The following CPNE1 variants were observed in gnomAD, a reference collection of about 807,000 sequenced individuals.
CPNE1 encodes the protein copine 1.
A neutral mutation model predicts 63.2 loss-of-function variants in CPNE1; 58 were observed. The ratio of observed to expected loss-of-function variants is 0.92; its 90% CI spans 0.74 to 1.14. CPNE1 has a LOEUF of 1.14. Among genes scored for constraint, CPNE1 ranks in the 50% most tolerant of loss-of-function variants. CPNE1 has a pLI of 0.00. For synonymous variants in CPNE1, 237 were observed against 249.0 expected (o/e 0.95, Z 0.45); for missense variants, 672 against 661.7 (o/e 1.02, Z -0.17).
At chr20:35,655,245 C>A in intron 1 of CPNE1, 1 of 1,613,872 alleles carries the variant, frequency 6.2e-7, no homozygotes, top group Non-Finnish European at 8.5e-7. Flanking sequence ...CAGGAATGGT[C>A]AATCCAGAGA....
At chr20:35,644,903 T>C (rs981361574) in intron 1 of CPNE1, among the ~76,000 whole-genome samples, 2 of 152,174 alleles carry the variant, frequency 1.3e-5, no homozygotes, top group African/African-American at 4.8e-5. Context: ...GCATGCATAG[T>C]GCAAATAAGG....
chr20:35,639,878 T>TCC (rs148849708), intron 1 of CPNE1, among the ~76,000 whole-genome samples: 2,534 of 152,328 alleles, frequency 0.017, 72 homozygotes, highest in African/African-American at 0.058. Flanking sequence ...GGTGGACTAT[T>TCC]CCTTCCTAAT....
intron 1 of CPNE1, among the ~76,000 whole-genome samples, chr20:35,660,593 G>A (rs1255038922): frequency 6.6e-6 from 1 of 152,110 alleles, no homozygotes; most frequent in Non-Finnish European, 1.5e-5. Context: ...AGGTCACAAA[G>A]GAAAATGTGA....
chr20:35,639,965 T>G (rs1247623696), intron 1 of CPNE1, among the ~76,000 whole-genome samples: 6 of 152,218 alleles, frequency 3.9e-5, no homozygotes, highest in Non-Finnish European at 8.8e-5. Context: ...CCAGCCATAC[T>G]GTTGTGGGCT....
intron 1 of CPNE1, among the ~76,000 whole-genome samples, chr20:35,648,176 C>T (rs2033259520): frequency 6.6e-6 from 1 of 151,962 alleles, no homozygotes; most frequent in Admixed American, 6.6e-5. Flanking sequence ...AATTGTGCTA[C>T]TACCAGAGTA....
Position 35,640,046 on chromosome 20 carries a change from T to C in CPNE1, c.1-7123A>G, listed in dbSNP as rs144408102. Among the ~76,000 whole-genome samples, 461 of 152,328 alleles carry C rather than the reference T, an allele frequency of 3.0e-3. 3 individuals are homozygous for C. The highest frequency in any genetic ancestry group is 0.011 in the African/African-American group (443 of 41,572). The stretch of plus-strand genomic sequence containing the variant: ...AGCCCCTAAGGTGGCCTGGCTTCCA[T>C]TCTGAGGTCAGAGCTTCCTGTGCAA... On this transcript the variant is annotated intron_variant, in intron 1 of 15. Transcript: ENST00000397443.
Position 35,631,940 on chromosome 20 carries a change from C to T in CPNE1, c.537+5G>A. On this transcript the variant is annotated splice_donor_5th_base_variant and intron_variant, in intron 6 of 15. Transcript: ENST00000397443. The stretch of plus-strand genomic sequence containing the variant: ...CCAGCCCACCCAATCCCAGGGGTCT[C>T]ATACCTCAGATCTGTACACCAGGTG... 3 of 1,613,190 alleles carry T rather than the reference C, an allele frequency of 1.9e-6. No homozygotes were observed. The highest frequency in any genetic ancestry group is 2.5e-6 in the Non-Finnish European group (3 of 1,179,238).
At chr20:35,635,392 G>C (rs1189836646) in intron 1 of CPNE1, among the ~76,000 whole-genome samples, 1 of 152,060 alleles carries the variant, frequency 6.6e-6, no homozygotes, top group Admixed American at 6.6e-5. Context: ...CATATTTGCA[G>C]AATGAAATCT....
chr20:35,650,330 G>A (rs1300703374), intron 1 of CPNE1: 2 of 152,228 alleles, frequency 1.3e-5, no homozygotes, highest in Non-Finnish European at 2.9e-5. Context: ...TTGCAATAAA[G>A]TGTATGAAAT....
chr20:35,630,430 G>A lies in CPNE1; in HGVS notation c.1102+9C>T, dbSNP rs371811085. On this transcript the variant is annotated intron_variant, in intron 13 of 15. Coordinates refer to ENST00000397443, the MANE Select transcript of CPNE1 (RefSeq NM_152925.3). ...ACAGACCTGCCTCAGGGTGGATGGG[G>A]AAACTTACCTGCACAGTAGGGGTTA... is the stretch of plus-strand genomic sequence containing the variant. 581 of 1,613,784 alleles carry A rather than the reference G, an allele frequency of 3.6e-4. 4 individuals are homozygous for A. In the South Asian group the frequency reaches 4.9e-3, roughly 14 times the overall value.
At chr20:35,632,129 C>T in intron 5 of CPNE1, 34 bp downstream of exon 5, 1 of 1,610,584 alleles carries the variant, frequency 6.2e-7, no homozygotes. Context: ...GGCCCCTTAA[C>T]TCTTGGATTA....
chr20:35,653,013 CG>C (rs1568934131), intron 1 of CPNE1: 1 of 1,613,856 alleles, frequency 6.2e-7, no homozygotes. Flanking sequence ...CTCCAAAACC[CG>C]GAACATCCAG....
chr20:35,662,043 C>T (rs1377018985), intron 1 of CPNE1, among the ~76,000 whole-genome samples: 1 of 152,150 alleles, frequency 6.6e-6, no homozygotes, highest in Non-Finnish European at 1.5e-5. Context: ...GTTCCCCATT[C>T]CCAAATGGAC....
At chr20:35,630,258 G>A (rs541090257) in intron 13 of CPNE1, among the ~76,000 whole-genome samples, 181 bp downstream of exon 13, 5 of 152,280 alleles carry the variant, frequency 3.3e-5, no homozygotes, top group African/African-American at 9.6e-5. Context: ...TTGCGCCACC[G>A]CACTCCAGCC....
intron 1 of CPNE1, among the ~76,000 whole-genome samples, chr20:35,648,180 C>A (rs995361322): frequency 2.0e-5 from 3 of 151,992 alleles, no homozygotes; most frequent in African/African-American, 4.8e-5. Context: ...GTGCTACTAC[C>A]AGAGTACACT....
At position 35,632,680 on chromosome 20, in the gene CPNE1, C is replaced by T. The variant is rs867132384; in HGVS notation, c.146G>A (p.Arg49Gln). Residue 49 changes from arginine to glutamine, a missense_variant, in exon 3 of 16, where the codon CGG becomes CAG. Transcript: ENST00000397443. ...GSWAELGRTE[R>Q]VRNCSSPEFS... is the part of the protein sequence containing the mutation. ...CTCAGGGCTTGAGCAGTTCCGCACCCGTTCAGTCCGGCCAAGCTGTGGGCA... is the reference window on the plus strand; with the variant it reads ...CTCAGGGCTTGAGCAGTTCCGCACCTGTTCAGTCCGGCCAAGCTGTGGGCA... 16 of 1,090,952 alleles carry T rather than the reference C, an allele frequency of 1.5e-5. No homozygotes were observed. In the Middle Eastern group the frequency reaches 1.8e-3, roughly 122 times the overall value. 67.6% of individuals were successfully genotyped at this position (1,090,952 alleles called of 1,614,324 possible).
In CPNE1 at chr20:35,652,818, AGGGCCG is replaced by A. The variant is rs201181145; in HGVS notation, c.-1+11936_-1+11941del. The A allele has an allele frequency of 1.1e-3, 1,754 of 1,602,592 alleles. 3 individuals carry two copies. The highest frequency in any genetic ancestry group is 8.3e-4 in the Non-Finnish European group (969 of 1,174,138). On this transcript the variant is annotated intron_variant, in intron 1 of 15. Transcript: ENST00000397443. ...GGGGACCACCAATATGGATTGGGCC[AGGGCCG>A]GGGCCGGGGCCGGGGCCAGGCCCAA...
intron 1 of CPNE1, among the ~76,000 whole-genome samples, chr20:35,641,532 C>G (rs2032807229): frequency 6.6e-6 from 1 of 152,142 alleles, no homozygotes; most frequent in Admixed American, 6.5e-5. Context: ...CTTCAGGTTC[C>G]TCAGGTGTAA....
At chr20:35,652,942 T>C (rs773675749) in intron 1 of CPNE1, 26 of 1,613,660 alleles carry the variant, frequency 1.6e-5, no homozygotes, top group Non-Finnish European at 1.4e-5. Flanking sequence ...ACCAGGGCCA[T>C]TTCCAAAATT....
Sources: gnomAD v4.1 joint callset for allele counts (sites outside exome capture counted in the v4.1 genomes callset) on GRCh38, gnomAD v4.1.1 for gene constraint, MANE v1.5 for transcripts, NCBI Gene and HGNC (gene_info 2026-07-23, HGNC 2026-07-21) for gene names.